The following MCM3AP variants were observed in gnomAD, a reference collection of about 807,000 sequenced individuals.
The protein encoded by MCM3AP is minichromosome maintenance complex component 3 associated protein.
In MCM3AP, 126 loss-of-function variants were observed where a neutral mutation model predicts 184.1. The observed-to-expected ratio is 0.68, with a 90% CI of 0.59 to 0.79. MCM3AP has a LOEUF of 0.79. Among genes scored for constraint, MCM3AP ranks in the 30% least tolerant of loss-of-function variants. The pLI is 0.00. For missense variants in MCM3AP, 2,496 were observed against 2,479.2 expected (o/e 1.01, Z -0.14); for synonymous variants, 1,002 against 979.3 (o/e 1.02, Z -0.43).
At chr21:46,267,165 T>G in intron 9 of MCM3AP, 23 bp from the exon 10 acceptor site, 1 of 1,609,260 alleles carries the variant, frequency 6.2e-7, no homozygotes, top group Non-Finnish European at 8.5e-7. Flanking sequence ...GCGAAATCAC[T>G]GCAGTCTCAG....
Position 46,244,807 on chromosome 21 carries a change from C to T in MCM3AP, c.5038G>A (p.Ala1680Thr). 3 of 1,608,074 alleles carry T rather than the reference C, an allele frequency of 1.9e-6. No individual in the cohort carries two copies. The highest frequency in any genetic ancestry group is 2.6e-6 in the Non-Finnish European group (3 of 1,176,370). The change falls in exon 23 of 28, where the codon GCC becomes ACC. Residue 1680 changes from alanine (A) to threonine (T), a missense_variant and splice_region_variant. Physicochemically the swap from Ala to Thr is moderately conservative, Grantham distance 58. Transcript: ENST00000291688. ...LPQMDLPPLG[A>T]PWLPVCSMVV... ...AGACCTCCCCAGGTCAAGCACGTAC[C>T]CCCCAGGGGTGGAAGGTCCATCTGC...
chr21:46,247,123 C>CTT (rs35214687), intron 20 of MCM3AP: 148 of 378,016 alleles, frequency 3.9e-4, no homozygotes, highest in East Asian at 5.8e-4. Flanking sequence ...TCCCCTCAAC[C>CTT]TTTTTTTTTT....
At chr21:46,278,891 T>C (rs1199822796) in intron 4 of MCM3AP, among the ~76,000 whole-genome samples, 2 of 149,180 alleles carry the variant, frequency 1.3e-5, no homozygotes, top group African/African-American at 2.5e-5. Flanking sequence ...GCCAGGATGG[T>C]CTCAATCTCC....
chr21:46,245,702 T>A (rs1038720135), intron 22 of MCM3AP, among the ~76,000 whole-genome samples: 8 of 152,196 alleles, frequency 5.3e-5, no homozygotes, highest in Non-Finnish European at 1.0e-4. Flanking sequence ...TCTTGCTATG[T>A]TGGCCAGGCT....
intron 19 of MCM3AP, chr21:46,253,805 C>A (rs1296529552): frequency 1.2e-4 from 19 of 155,572 alleles, no homozygotes; most frequent in Admixed American, 1.2e-3. Flanking sequence ...GTGGAAACTC[C>A]CCCTTGCTGT....
intron 21 of MCM3AP, 33 bp from the exon 22 acceptor site, chr21:46,246,437 A>T (rs201138050): frequency 6.4e-5 from 93 of 1,445,842 alleles, no homozygotes; most frequent in Non-Finnish European, 8.6e-5. Flanking sequence ...GGTCACTTGC[A>T]TTCTGCTGTC....
In MCM3AP at chr21:46,284,383, T is replaced by C. The variant is rs1478315682; in HGVS notation, c.904A>G (p.Arg302Gly). Reference sequence around the variant, plus strand: ...TCTGCTGGCTCGTGGCCATGTCTCCTTGGGGAGCGATCCTGGTCCTCCTTC... The same window carrying C: ...TCTGCTGGCTCGTGGCCATGTCTCCCTGGGGAGCGATCCTGGTCCTCCTTC... Reference protein sequence around the residue: ...KRKEDQDRSPRRHGHEPAEDS... With the variant: ...KRKEDQDRSPGRHGHEPAEDS... The change falls in exon 1 of 28, where the codon AGG (arginine) becomes GGG (glycine). Residue 302 changes from arginine to glycine, a missense_variant. Around this residue, in one of 5 missense-constraint regions of MCM3AP, gnomAD observed 800 missense variants for 717.1 expected, o/e 1.12. Transcript: ENST00000291688. 1.2e-6 allele frequency: 2 copies of C among 1,614,194 alleles called. No individual in the cohort carries two copies. Among genetic ancestry groups the C allele is most frequent in the Non-Finnish European group, 1.7e-6 (2 of 1,180,040 alleles).
Position 46,261,470 on chromosome 21 carries a change from C to T in MCM3AP, c.3336-59G>A, listed in dbSNP as rs927323256. ...AGAGTCAAGGCCGGGTGCGGTGGCT[C>T]ACGCCTGTAATCCCAGCACTTTGGG... On this transcript the variant is annotated intron_variant, in intron 13 of 27. Transcript: ENST00000291688. 5.2e-6 allele frequency: 8 copies of T among 1,549,112 alleles called. No homozygotes were observed. In the African/African-American group the frequency reaches 9.5e-5, roughly 18 times the overall value.
chr21:46,246,731 C>T lies in MCM3AP; in HGVS notation c.4446G>A (p.Gln1482=). The T allele has an allele frequency of 6.2e-7, 1 of 1,614,246 alleles. No individual in the cohort carries two copies. The highest frequency in any genetic ancestry group is 1.3e-5 in the African/African-American group (1 of 75,064). ...EDVYWLSALL[Q]LKQLLQAKPF... Reference sequence around the variant, plus strand: ...GCTTAGCCTGCAGGAGCTGCTTGAGCTGCAGCAAGGCCGACAGCCAGTACA... The same window carrying T: ...GCTTAGCCTGCAGGAGCTGCTTGAGTTGCAGCAAGGCCGACAGCCAGTACA... Residue 1482 remains glutamine, a synonymous_variant, in exon 21 of 28, where the codon CAG becomes CAA. Transcript: ENST00000291688.
At chr21:46,281,265 G>T (rs2145718977) in intron 2 of MCM3AP, among the ~76,000 whole-genome samples, 1 of 152,254 alleles carries the variant, frequency 6.6e-6, no homozygotes. Flanking sequence ...ACACACATGG[G>T]ATGCCACTTA....
chr21:46,236,407 TC>T (rs1449196912), intron 27 of MCM3AP: 1 of 154,036 alleles, frequency 6.5e-6, no homozygotes, highest in Non-Finnish European at 1.4e-5. Context: ...ACTTGAACAC[TC>T]TTGGGTGAGG....
At chr21:46,263,103 G>A (rs1029616992) in intron 13 of MCM3AP, among the ~76,000 whole-genome samples, 1 of 151,906 alleles carries the variant, frequency 6.6e-6, no homozygotes, top group African/African-American at 2.4e-5. Context: ...GCCAAGGCGG[G>A]CGGATCACGA....
At position 46,245,220 on chromosome 21, in the gene MCM3AP, G is replaced by A. The variant is rs183075052; in HGVS notation, c.4648-23C>T. ...AACCTGAGAAGAAAGAAGAGACTTG[G>A]TTGAACAATTCACACTGTTTTTCAA... On this transcript the variant is annotated intron_variant, in intron 22 of 27. Coordinates refer to ENST00000291688, the MANE Select transcript of MCM3AP (RefSeq NM_003906.5). The A allele has an allele frequency of 3.2e-6, 5 of 1,580,946 alleles. No individual in the cohort carries two copies. The Admixed American group carries it at 5.7e-5, about 18-fold the overall frequency.
In MCM3AP at chr21:46,242,802, C is replaced by T. The variant is rs2080691278; in HGVS notation, c.5426G>A (p.Arg1809His). The change falls in exon 25 of 28, where the codon CGT becomes CAT. Residue 1809 changes from arginine to histidine, a missense_variant and splice_region_variant. Arg to His is a conservative substitution (Grantham distance 29, BLOSUM62 0). This residue lies in a region of MCM3AP where 1,323 missense variants were observed against 1,273.4 expected (regional missense o/e 1.04). Transcript: ENST00000291688. ...TQKELQLREG[R>H]LAIKPFHPSA... is the part of the protein sequence containing the mutation. ...GAAACATACTGAACATGAACCTCAC[C>T]GTCCCTCTCTCAGCTGTAGCTCCTT... 2.5e-6 allele frequency: 4 copies of T among 1,605,110 alleles called. No individual in the cohort carries two copies. Among genetic ancestry groups the T allele is most frequent in the Non-Finnish European group, 3.4e-6 (4 of 1,177,004 alleles).
rs1051786644 is a variant in MCM3AP at position 46,243,468 on chromosome 21, A to G, written c.5293T>C (p.Ser1765Pro). The change falls in exon 24 of 28, where the codon TCA becomes CCA. Residue 1765 changes from serine (S) to proline (P), a missense_variant. Physicochemically the swap from Ser to Pro is moderately conservative, Grantham distance 74. This residue lies in a region of MCM3AP where 1,323 missense variants were observed against 1,273.4 expected (regional missense o/e 1.04). Transcript: ENST00000291688. ...CATTGCATCAAGCTCTAATTACCTG[A>G]TGTAACAGGAAGCCGGGGGGGCGTC... ...DWTPPRLPVTSEALSEDGQIC... is the reference protein window; with the variant it reads ...DWTPPRLPVTPEALSEDGQIC... 3 of 1,606,682 alleles carry G rather than the reference A, an allele frequency of 1.9e-6. No homozygotes were observed. The highest frequency in any genetic ancestry group is 1.7e-6 in the Non-Finnish European group (2 of 1,175,802).
In MCM3AP at chr21:46,284,601, T is replaced by C. The variant is rs751606707; in HGVS notation, c.686A>G (p.Gln229Arg). The C allele has an allele frequency of 1.9e-6, 3 of 1,614,126 alleles. No homozygotes were observed. The highest frequency in any genetic ancestry group is 4.5e-5 in the East Asian group (2 of 44,900). Reference sequence around the variant, plus strand: ...TCCTCTCTTCTCTTCCTCTACATTTTGGTTTGACAAAGCAGGGGTAAAGGC... The same window carrying C: ...TCCTCTCTTCTCTTCCTCTACATTTCGGTTTGACAAAGCAGGGGTAAAGGC... Reference protein sequence around the residue: ...LSAFTPALSNQNVEEEKRGPK... With the variant: ...LSAFTPALSNRNVEEEKRGPK... The change falls in exon 1 of 28, where the codon CAA becomes CGA. Residue 229 changes from glutamine (Q) to arginine (R), a missense_variant. By Grantham distance (43) the Gln-to-Arg change is conservative. This residue lies in a region of MCM3AP where 800 missense variants were observed against 717.1 expected (regional missense o/e 1.12). Coordinates refer to ENST00000291688, the MANE Select transcript of MCM3AP (RefSeq NM_003906.5).
intron 19 of MCM3AP, 55 bp downstream of exon 19, chr21:46,254,337 C>T (rs754974753): frequency 1.2e-5 from 19 of 1,609,642 alleles, no homozygotes; most frequent in Non-Finnish European, 1.4e-5. Context: ...GGCCCACAAC[C>T]CTGCCCTGCC....
At position 46,284,702 on chromosome 21, in the gene MCM3AP, AG is replaced by A; in HGVS notation, c.584del (p.Pro195LeufsTer3). ...TGGTAGCTGAACTACTTGTTACTTG[AG>A]GAAAAGAGAAAGGGGCCAGGCCTCC... ...APGGLAPFSF[P>X]QVTSSSATTS... On this transcript the variant is annotated frameshift_variant, in exon 1 of 28. Coordinates refer to ENST00000291688, the MANE Select transcript of MCM3AP (RefSeq NM_003906.5). LOFTEE classifies it high-confidence loss of function. 1.9e-6 allele frequency: 3 copies of A among 1,614,092 alleles called. No individual in the cohort carries two copies. The highest frequency in any genetic ancestry group is 2.5e-6 in the Non-Finnish European group (3 of 1,180,008).
chr21:46,272,849 AG>A lies in MCM3AP; in HGVS notation c.2197-21del. On this transcript the variant is annotated intron_variant, in intron 7 of 27. Coordinates refer to ENST00000291688, the MANE Select transcript of MCM3AP (RefSeq NM_003906.5). ...GATATCCTGGCCACAGGCGAGGGGG[AG>A]GATCACACACACATTCCCATGCAAA... 1 of 1,549,738 alleles carries A rather than the reference AG, an allele frequency of 6.5e-7. No individual in the cohort carries two copies.
Sources: gnomAD v4.1 joint callset for allele counts (sites outside exome capture counted in the v4.1 genomes callset) on GRCh38, gnomAD v4.1.1 for gene constraint, gnomAD v4.1.1 regional missense constraint, MANE v1.5 for transcripts, NCBI Gene and HGNC (gene_info 2026-07-23, HGNC 2026-07-21) for gene names.